FRMD3: variants seen among roughly 807,000 people sequenced by gnomAD.
FRMD3 encodes FERM domain-containing protein 3.
Under a neutral mutation model 70.2 loss-of-function variants are expected in FRMD3, and 33 were observed. The ratio of observed to expected loss-of-function variants is 0.47; its 90% CI spans 0.36 to 0.63. The LOEUF (loss-of-function observed/expected upper bound fraction) is 0.63, where lower values mean the gene tolerates loss of function less well. FRMD3 is among the 20% of genes least tolerant of loss of function. The pLI, the probability that FRMD3 is intolerant of heterozygous loss-of-function variation, is 0.00. For synonymous variants in FRMD3, 279 were observed against 255.9 expected (o/e 1.09, Z -0.86); for missense variants, 632 against 711.4 (o/e 0.89, Z 1.27).
rs993283311 is a variant in FRMD3, at chr9:83,366,916, C to T, written c.295+5997G>A. Among the ~76,000 whole-genome samples, 4 of 152,072 alleles carry T rather than the reference C, an allele frequency of 2.6e-5. No individual in the cohort carries two copies. The East Asian group carries it at 7.8e-4, about 30-fold the overall frequency. On this transcript the variant is annotated intron_variant, in intron 3 of 13. Coordinates refer to ENST00000304195, the MANE Select transcript of FRMD3 (RefSeq NM_174938.6). The stretch of plus-strand genomic sequence containing the variant: ...GGTGTGGTAGCATGTGCCTGTAATC[C>T]CAGCTATTCAGGAGGCTGAGGCACA...
downstream of FRMD3, among the ~76,000 whole-genome samples, chr9:83,244,314 T>TGTC (rs796562264): frequency 3.7e-5 from 5 of 136,402 alleles, no homozygotes; most frequent in South Asian, 1.2e-3. Context: ...TGCTCCTATC[T>TGTC]GTCAGTCAGA....
intron 6 of FRMD3, among the ~76,000 whole-genome samples, chr9:83,325,988 C>A (rs1302492146): frequency 6.6e-6 from 1 of 152,156 alleles, no homozygotes; most frequent in East Asian, 1.9e-4. Context: ...CATGCTACAA[C>A]AGTAGTAGTT....
At chr9:83,392,080 A>G (rs902366022) in intron 1 of FRMD3, among the ~76,000 whole-genome samples, 1 of 149,134 alleles carries the variant, frequency 6.7e-6, no homozygotes, top group South Asian at 2.1e-4. Flanking sequence ...ACCACAAAGA[A>G]AAAAAAAAAA....
chr9:83,507,724 A>C (rs1344397288), intron 1 of FRMD3, among the ~76,000 whole-genome samples: 1,534 of 110,992 alleles, frequency 0.014, 146 homozygotes, highest in Admixed American at 0.03. Context: ...ATATATATAT[A>C]TATATATATA....
At chr9:83,372,821 T>C in intron 3 of FRMD3, 92 bp downstream of exon 3, 1 of 1,167,748 alleles carries the variant, frequency 8.6e-7, no homozygotes, top group Non-Finnish European at 1.3e-6. Flanking sequence ...TCTTCAACTC[T>C]ATTATTCCCC....
intron 1 of FRMD3, among the ~76,000 whole-genome samples, chr9:83,405,429 G>A (rs568441259): frequency 6.6e-6 from 1 of 152,212 alleles, no homozygotes; most frequent in Non-Finnish European, 1.5e-5. Flanking sequence ...ATCATGGGAT[G>A]AGGAAGGAGC....
At chr9:83,584,257 G>A in the FRMD3 span, among the ~76,000 whole-genome samples, 1 of 152,022 alleles carries the variant, frequency 6.6e-6, no homozygotes, top group Non-Finnish European at 1.5e-5. Context: ...GCTGCAGTGA[G>A]CTAAGATCGC....
chr9:83,381,518 T>TG lies in FRMD3; in HGVS notation c.252+8085dup, dbSNP rs562042420. Among the ~76,000 whole-genome samples, 23 of 151,190 alleles carry TG rather than the reference T, an allele frequency of 1.5e-4. No homozygotes were observed. In the East Asian group the frequency reaches 3.9e-3, roughly 26 times the overall value. On this transcript the variant is annotated intron_variant, in intron 2 of 13. Coordinates refer to ENST00000304195, the MANE Select transcript of FRMD3 (RefSeq NM_174938.6). The stretch of plus-strand genomic sequence containing the variant: ...TTGCAGTGAGCCTAGATCCTGCCAC[T>TG]GCACTCCAGTCTGGGTGGCAGAGTG...
intron 13 of FRMD3, among the ~76,000 whole-genome samples, chr9:83,269,479 G>A (rs950521964): frequency 2.6e-5 from 4 of 152,012 alleles, no homozygotes; most frequent in Admixed American, 1.3e-4. Context: ...GGCCGAGGCC[G>A]GCAGATCACT....
chr9:83,584,694 A>G, the FRMD3 span, among the ~76,000 whole-genome samples: 4 of 152,128 alleles, frequency 2.6e-5, no homozygotes, highest in African/African-American at 9.7e-5. Context: ...TCTCCTTGAG[A>G]AACAATAAGA....
intron 13 of FRMD3, among the ~76,000 whole-genome samples, chr9:83,269,502 T>C (rs1220934902): frequency 6.6e-6 from 1 of 151,918 alleles, no homozygotes; most frequent in Non-Finnish European, 1.5e-5. Flanking sequence ...AGATCAGGAG[T>C]TCAAAACAAG....
intron 13 of FRMD3, among the ~76,000 whole-genome samples, chr9:83,259,394 G>T (rs1832882914): frequency 6.6e-6 from 1 of 152,146 alleles, no homozygotes; most frequent in Non-Finnish European, 1.5e-5. Context: ...ATGCTAAGGA[G>T]TTGAGTTGCC....
At chr9:83,558,292 A>T in the FRMD3 span, among the ~76,000 whole-genome samples, 1 of 152,106 alleles carries the variant, frequency 6.6e-6, no homozygotes, top group Non-Finnish European at 1.5e-5. Flanking sequence ...GCGCGCACGC[A>T]CATGTGCATG....
At chr9:83,565,668 C>A in the FRMD3 span, among the ~76,000 whole-genome samples, 1 of 152,192 alleles carries the variant, frequency 6.6e-6, no homozygotes, top group Non-Finnish European at 1.5e-5. Context: ...ACTGAGAAGT[C>A]AATCAAATAC....
rs150449668 is a variant in FRMD3, at chr9:83,335,872, C to T, written c.473-233G>A. ...CTTCTCTGGGTCTCGCCTTCTTTAT[C>T]AGTATAATAAAGGATTTAAATTACT... On this transcript the variant is annotated intron_variant, in intron 5 of 13. Coordinates refer to ENST00000304195, the MANE Select transcript of FRMD3 (RefSeq NM_174938.6). Among the ~76,000 whole-genome samples, 563 of 152,230 alleles carry T rather than the reference C, an allele frequency of 3.7e-3. 4 individuals are homozygous for T. Among genetic ancestry groups the T allele is most frequent in the Middle Eastern group, 0.024 (7 of 294 alleles).
At chr9:83,492,312 T>C (rs1424350232) in intron 1 of FRMD3, among the ~76,000 whole-genome samples, 1 of 152,226 alleles carries the variant, frequency 6.6e-6, no homozygotes, top group East Asian at 1.9e-4. Flanking sequence ...ATAAGGCACG[T>C]CCATTAAGAA....
chr9:83,338,428 A>G (rs1172418060), intron 5 of FRMD3, among the ~76,000 whole-genome samples: 1 of 152,200 alleles, frequency 6.6e-6, no homozygotes, highest in East Asian at 1.9e-4. Flanking sequence ...GGTTTTTTTT[A>G]TGACAGCATT....
intron 6 of FRMD3, among the ~76,000 whole-genome samples, chr9:83,333,280 A>G (rs1823453782): frequency 6.6e-6 from 1 of 152,108 alleles, no homozygotes; most frequent in South Asian, 2.1e-4. Context: ...ACAACTCCCA[A>G]CTCTTCACAA....
chr9:83,495,531 T>C (rs564540961), intron 1 of FRMD3, among the ~76,000 whole-genome samples: 34 of 152,150 alleles, frequency 2.2e-4, no homozygotes, highest in African/African-American at 8.0e-4. Context: ...AGAAAGGGGG[T>C]AGCTGTCAGC....
Sources: allele counts gnomAD v4.1 joint callset (sites outside exome capture counted in the v4.1 genomes callset), GRCh38; gene constraint gnomAD v4.1.1; transcripts MANE v1.5; gene names NCBI Gene and HGNC (gene_info 2026-07-23, HGNC 2026-07-21).